The following SLC25A13 variants were observed in gnomAD, a reference collection of about 807,000 sequenced individuals.
SLC25A13 encodes solute carrier family 25 member 13.
A neutral mutation model predicts 85.5 loss-of-function variants in SLC25A13; 70 were observed. The observed-to-expected ratio is 0.82, with a 90% CI of 0.68 to 1.00. The LOEUF is 1.00. Ranked by LOEUF, SLC25A13 falls within the 50% of genes least tolerant of loss-of-function variation. The probability of loss-of-function intolerance (pLI) is 0.00; values close to 1 mark genes in which losing one functional copy is unlikely to be tolerated. For missense variants in SLC25A13, 765 were observed against 819.8 expected, an observed-to-expected ratio of 0.93 and a Z score of 0.82; for synonymous variants, 259 against 288.7, an observed-to-expected ratio of 0.90 and a Z score of 1.04.
chr7:96,243,610 A>G (rs1411920231), intron 3 of SLC25A13, among the ~76,000 whole-genome samples: 1 of 151,866 alleles, frequency 6.6e-6, no homozygotes, highest in African/African-American at 2.4e-5. Flanking sequence ...ACTTCAGGAG[A>G]GTAATGGGGT....
intron 13 of SLC25A13, among the ~76,000 whole-genome samples, chr7:96,148,717 G>A (rs1036117970): frequency 3.0e-4 from 45 of 152,244 alleles, no homozygotes; most frequent in African/African-American, 1.1e-3. Context: ...TCTATCCAGG[G>A]TAAAATGCAA....
chr7:96,256,031 A>G (rs989717300), intron 3 of SLC25A13, among the ~76,000 whole-genome samples: 6 of 152,196 alleles, frequency 3.9e-5, no homozygotes, highest in African/African-American at 1.4e-4. Context: ...ATTCTGAGGG[A>G]TATCGTCACC....
intron 4 of SLC25A13, among the ~76,000 whole-genome samples, chr7:96,230,666 A>C (rs1323461554): frequency 6.6e-6 from 1 of 152,236 alleles, no homozygotes; most frequent in Non-Finnish European, 1.5e-5. Flanking sequence ...CAACTATCTG[A>C]TCTTCAAGAA....
At chr7:96,289,060 T>C (rs1441314534) in intron 2 of SLC25A13, among the ~76,000 whole-genome samples, 1 of 152,160 alleles carries the variant, frequency 6.6e-6, no homozygotes, top group Non-Finnish European at 1.5e-5. Context: ...GAAATGAAGC[T>C]TCCAGAGGAA....
intron 3 of SLC25A13, among the ~76,000 whole-genome samples, chr7:96,241,858 G>A (rs766253575): frequency 7.9e-5 from 12 of 152,134 alleles, no homozygotes; most frequent in African/African-American, 1.9e-4. Flanking sequence ...TCACACTAAC[G>A]GACAACCTCC....
rs146145702 is a variant in SLC25A13 at position 96,134,829 on chromosome 7, T to C, written c.1453-2948A>G. ...TATATATATAACCCTGAGGAAAGGG[T>C]AGAATTGCAACACTAAAGGAAAAAT... On this transcript the variant is annotated intron_variant, in intron 14 of 17. Coordinates refer to ENST00000265631, the MANE Select transcript of SLC25A13 (RefSeq NM_014251.3). Among the ~76,000 whole-genome samples the C allele has an allele frequency of 7.5e-3, 623 of 83,300 alleles. 26 individuals are homozygous for C. The highest frequency in any genetic ancestry group is 0.055 in the Admixed American group (473 of 8,586). The allele number at this position is 83,300 out of a possible 152,430, so 54.6% of individuals were successfully genotyped here. A position where few individuals can be genotyped will look rare whatever the true frequency, so the allele number is the denominator to read the frequency against.
chr7:96,269,438 A>G (rs1459187919), intron 3 of SLC25A13, among the ~76,000 whole-genome samples: 1 of 152,240 alleles, frequency 6.6e-6, no homozygotes, highest in Non-Finnish European at 1.5e-5. Flanking sequence ...ACAGTTGACA[A>G]CAGGGGTCAC....
chr7:96,211,141 T>C (rs1795678055), intron 4 of SLC25A13, among the ~76,000 whole-genome samples: 1 of 152,200 alleles, frequency 6.6e-6, no homozygotes, highest in Non-Finnish European at 1.5e-5. Context: ...GCATGTAAAA[T>C]GTGTCTCACC....
intron 9 of SLC25A13, among the ~76,000 whole-genome samples, chr7:96,186,861 TG>T (rs1794663244): frequency 6.6e-6 from 1 of 152,224 alleles, no homozygotes; most frequent in Non-Finnish European, 1.5e-5. Context: ...TAAAAATGCT[TG>T]TAAGAGGTTT....
intron 13 of SLC25A13, among the ~76,000 whole-genome samples, chr7:96,168,039 G>GCAGTGA (rs2116568261): frequency 7.4e-6 from 1 of 135,394 alleles, no homozygotes; most frequent in South Asian, 2.5e-4. Context: ...GGTGGAGGCT[G>GCAGTGA]CAGTGAGCCA....
intron 13 of SLC25A13, among the ~76,000 whole-genome samples, chr7:96,157,990 T>C (rs1237130680): frequency 2.0e-5 from 3 of 152,224 alleles, no homozygotes; most frequent in Non-Finnish European, 4.4e-5. Context: ...AACAGTTACA[T>C]GTGCCTTAAA....
At chr7:96,256,663 G>A (rs551370294) in intron 3 of SLC25A13, among the ~76,000 whole-genome samples, 1 of 152,220 alleles carries the variant, frequency 6.6e-6, no homozygotes, top group African/African-American at 2.4e-5. Flanking sequence ...AGATCAAAGA[G>A]ACAGAAAATT....
rs1283843086 is a variant in SLC25A13, at chr7:96,151,642, AG to A, written c.1312-4947del. ...TTGGTCTTCATAATATTATAAGGTA[AG>A]TAATAAGATAAATAATAGGTCGGGT... On this transcript the variant is annotated intron_variant, in intron 13 of 17. Transcript: ENST00000265631. Among the ~76,000 whole-genome samples, 15 of 150,730 alleles carry A rather than the reference AG, an allele frequency of 1.0e-4. No homozygotes were observed. The East Asian group carries it at 2.9e-3, about 30-fold the overall frequency.
chr7:96,157,589 A>C (rs1793333847), intron 13 of SLC25A13, among the ~76,000 whole-genome samples: 1 of 152,154 alleles, frequency 6.6e-6, no homozygotes, highest in Admixed American at 6.5e-5. Context: ...GGATCACTTG[A>C]GGTCAGGAAA....
At chr7:96,132,358 G>T (rs183398570) in intron 14 of SLC25A13, among the ~76,000 whole-genome samples, 3 of 152,280 alleles carry the variant, frequency 2.0e-5, no homozygotes, top group Admixed American at 6.5e-5. Flanking sequence ...TTCCCAGAAA[G>T]AAATTACACA....
intron 3 of SLC25A13, among the ~76,000 whole-genome samples, chr7:96,275,826 T>C (rs912186310): frequency 1.3e-5 from 2 of 152,130 alleles, no homozygotes; most frequent in Non-Finnish European, 2.9e-5. Flanking sequence ...ACATGGCACA[T>C]GTATACATAC....
rs185869449 is a variant in SLC25A13, at chr7:96,162,062, A to G, written c.1311+7983T>C. Among the ~76,000 whole-genome samples, 240 of 152,358 alleles carry G rather than the reference A, an allele frequency of 1.6e-3. 1 individual carries two copies. Among genetic ancestry groups the G allele is most frequent in the African/African-American group, 4.7e-3 (195 of 41,588 alleles). On this transcript the variant is annotated intron_variant, in intron 13 of 17. Transcript: ENST00000265631. ...TTAAGCCTCACATCATCTTATATTT[A>G]TAAGTAAGATATGTGCAGAGACTTG... is the stretch of plus-strand genomic sequence containing the variant.
chr7:96,219,767 C>A (rs1207005927), intron 4 of SLC25A13: 1 of 533,500 alleles, frequency 1.9e-6, no homozygotes, highest in Admixed American at 1.9e-5. Flanking sequence ...CTCCCTCCTC[C>A]TCTATAATCT....
intron 5 of SLC25A13, among the ~76,000 whole-genome samples, chr7:96,193,437 C>T (rs2116664465): frequency 1.3e-5 from 2 of 152,220 alleles, no homozygotes; most frequent in Middle Eastern, 6.8e-3. Flanking sequence ...TACTTCCGTG[C>T]TCTCTAGAGT....
Sources: gnomAD v4.1 joint callset for allele counts (sites outside exome capture counted in the v4.1 genomes callset) on GRCh38, gnomAD v4.1.1 for gene constraint, MANE v1.5 for transcripts, NCBI Gene and HGNC (gene_info 2026-07-23, HGNC 2026-07-21) for gene names.